The following WDFY3 variants were observed in gnomAD, a reference collection of about 807,000 sequenced individuals.
The protein encoded by WDFY3 is WD repeat and FYVE domain containing 3.
A neutral mutation model predicts 409.6 loss-of-function variants in WDFY3; 66 were observed. The ratio of observed to expected loss-of-function variants is 0.16; its 90% CI spans 0.13 to 0.20. WDFY3 has a LOEUF of 0.20. WDFY3 is among the 10% of genes least tolerant of loss of function. WDFY3 has a pLI of 1.00. For synonymous variants in WDFY3, 1,521 were observed against 1,537.1 expected, an observed-to-expected ratio of 0.99 and a Z score of 0.25; for missense variants, 3,031 against 4,298.1, an observed-to-expected ratio of 0.71 and a Z score of 8.24.
At position 84,755,361 on chromosome 4, in the gene WDFY3, G is replaced by T; in HGVS notation, c.5464C>A (p.Pro1822Thr). ...GAGACCACAGTTCCGCTGGAGGCAG[G>T]AACTCCAAAGATGAATGTCCAAATG... is the stretch of plus-strand genomic sequence containing the variant. ...DSIWTFIFGV[P>T]ASSGTVVSSI... is the part of the protein sequence containing the mutation. The change falls in exon 34 of 68, where the codon CCT becomes ACT. Residue 1822 changes from proline to threonine, a missense_variant. Transcript: ENST00000295888. 4 of 1,611,254 alleles carry T rather than the reference G, an allele frequency of 2.5e-6. No homozygotes were observed. Among genetic ancestry groups the T allele is most frequent in the Non-Finnish European group, 3.4e-6 (4 of 1,179,412 alleles).
chr4:84,871,769 G>C (rs1399811741), intron 3 of WDFY3, among the ~76,000 whole-genome samples: 1 of 151,948 alleles, frequency 6.6e-6, no homozygotes, highest in Non-Finnish European at 1.5e-5. Flanking sequence ...TGAGTAGTTG[G>C]GACTACAGGA....
At position 84,716,888 on chromosome 4, in the gene WDFY3, T is replaced by C; in HGVS notation, c.7875+8A>G. 1 of 1,570,588 alleles carries C rather than the reference T, an allele frequency of 6.4e-7. No homozygotes were observed. Among genetic ancestry groups the C allele is most frequent in the Non-Finnish European group, 8.6e-7 (1 of 1,158,954 alleles). On this transcript the variant is annotated splice_region_variant and intron_variant, in intron 49 of 67. Coordinates refer to ENST00000295888, the MANE Select transcript of WDFY3 (RefSeq NM_014991.6). ...ACATGATAAAACAGTACTACTAAAT[T>C]GACTCACCTGCAGGAGATATCTCCT...
chr4:84,895,304 A>T (rs1057239415), intron 3 of WDFY3, among the ~76,000 whole-genome samples: 7 of 152,238 alleles, frequency 4.6e-5, no homozygotes, highest in Non-Finnish European at 1.0e-4. Flanking sequence ...TATTATAATG[A>T]ATAATAAAAA....
Position 84,821,156 on chromosome 4 carries a change from C to T in WDFY3, c.1519G>A (p.Glu507Lys). ...KDVFREVGLL[E>K]VMVNLLHKYA... The stretch of plus-strand genomic sequence containing the variant: ...TTATGCAAAAGGTTTACCATGACCT[C>T]CAAAAGGCCAACCTCCCTGAACACG... Residue 507 changes from glutamate (E) to lysine (K), a missense_variant, in exon 11 of 68, where the codon GAG (glutamate) becomes AAG (lysine). Physicochemically the swap from Glu to Lys is moderately conservative, Grantham distance 56. Around this residue, in one of 16 missense-constraint regions of WDFY3, gnomAD observed 1,322 missense variants for 1,697.9 expected, o/e 0.78. Transcript: ENST00000295888. 6.2e-7 allele frequency: 1 copy of T among 1,613,686 alleles called. No individual in the cohort carries two copies. Among genetic ancestry groups the T allele is most frequent in the South Asian group, 1.1e-5 (1 of 91,080 alleles).
In WDFY3 at chr4:84,704,367, G is replaced by C; in HGVS notation, c.8413C>G (p.Pro2805Ala). 2 of 1,611,886 alleles carry C rather than the reference G, an allele frequency of 1.2e-6. No homozygotes were observed. The highest frequency in any genetic ancestry group is 2.2e-5 in the East Asian group (1 of 44,720). Residue 2805 changes from proline (P) to alanine (A), a missense_variant, in exon 55 of 68, where the codon CCT (proline) becomes GCT (alanine). Physicochemically the swap from Pro to Ala is conservative, Grantham distance 27 (BLOSUM62 -1). Around this residue, in one of 16 missense-constraint regions of WDFY3, gnomAD observed 129 missense variants for 305.3 expected, o/e 0.42. Transcript: ENST00000295888. Reference sequence around the variant, plus strand: ...AGCCTTAAGAATATCTGTGTGAAAGGCTCCATCCTTACAAGGTATGAGGCC... The same window carrying C: ...AGCCTTAAGAATATCTGTGTGAAAGCCTCCATCCTTACAAGGTATGAGGCC... ...IVASYLVRME[P>A]FTQIFLRLQG...
At chr4:84,780,601 T>C (rs1203925099) in intron 25 of WDFY3, among the ~76,000 whole-genome samples, 1 of 151,814 alleles carries the variant, frequency 6.6e-6, no homozygotes, top group Non-Finnish European at 1.5e-5. Flanking sequence ...CCGTCTCTAC[T>C]AAAAATACAA....
chr4:84,768,985 A>C (rs187520237), intron 30 of WDFY3, among the ~76,000 whole-genome samples: 176 of 152,330 alleles, frequency 1.2e-3, no homozygotes, highest in African/African-American at 4.2e-3. Flanking sequence ...TCCAATTCTT[A>C]TGGATGACTT....
intron 18 of WDFY3, among the ~76,000 whole-genome samples, chr4:84,797,557 C>CTTATTCATTTATTTAT (rs1749674819): frequency 1.4e-5 from 2 of 145,638 alleles, no homozygotes; most frequent in African/African-American, 5.1e-5. Context: ...CAACTCAATT[C>CTTATTCATTTATTTAT]TTATTTATTT....
rs892051672 is a variant in WDFY3 at position 84,772,765 on chromosome 4, T to C, written c.4849+70A>G. ...TAATCACATGTAATTCAGGTCTAAT[T>C]TGGGCCAGAAGAAAAAAGGCATAAT... On this transcript the variant is annotated intron_variant, in intron 30 of 67. Coordinates refer to ENST00000295888, the MANE Select transcript of WDFY3 (RefSeq NM_014991.6). 6 of 1,239,396 alleles carry C rather than the reference T, an allele frequency of 4.8e-6. No homozygotes were observed. In the African/African-American group the frequency reaches 9.2e-5, roughly 19 times the overall value. The allele number at this position is 1,239,396 out of a possible 1,614,324, so 76.8% of individuals were successfully genotyped here.
Position 84,715,344 on chromosome 4 carries a change from A to G in WDFY3, c.7915T>C (p.Tyr2639His). The change falls in exon 50 of 68, where the codon TAC becomes CAC. Residue 2639 changes from tyrosine to histidine, a missense_variant. Around this residue, in one of 16 missense-constraint regions of WDFY3, gnomAD observed 45 missense variants for 121.8 expected, o/e 0.37. Transcript: ENST00000295888. The part of the protein sequence containing the change: ...VEVFSGDGRN[Y>H]LLAFQKGIRN... The stretch of plus-strand genomic sequence containing the variant: ...ATTCCTTTCTGAAAAGCAAGGAGGT[A>G]ATTCCGTCCATCTCCAGAGAAAACT... 18 of 1,611,172 alleles carry G rather than the reference A, an allele frequency of 1.1e-5. No homozygotes were observed. Among genetic ancestry groups the G allele is most frequent in the Non-Finnish European group, 1.5e-5 (18 of 1,177,624 alleles).
chr4:84,825,768 A>G (rs540402533), intron 10 of WDFY3, among the ~76,000 whole-genome samples: 1 of 152,248 alleles, frequency 6.6e-6, no homozygotes, highest in East Asian at 1.9e-4. Context: ...AATTTAAATA[A>G]CCAGACATGT....
chr4:84,907,000 C>T (rs1202434100), intron 2 of WDFY3, among the ~76,000 whole-genome samples: 1 of 152,006 alleles, frequency 6.6e-6, no homozygotes, highest in African/African-American at 2.4e-5. Context: ...TTTTTTGCAA[C>T]ATCTTTTCCC....
At chr4:84,787,751 C>A (rs774018284) in intron 22 of WDFY3, 38 bp from the exon 23 acceptor site, 1 of 1,529,022 alleles carries the variant, frequency 6.5e-7, no homozygotes, top group Non-Finnish European at 9.0e-7. Context: ...GAGATGTGAA[C>A]ACTTTCCCCA....
At chr4:84,960,423 T>C (rs959071824) in intron 1 of WDFY3, among the ~76,000 whole-genome samples, 5 of 152,154 alleles carry the variant, frequency 3.3e-5, no homozygotes, top group African/African-American at 1.2e-4. Context: ...TCCACTCAAC[T>C]GTAAGCTCTA....
intron 32 of WDFY3, among the ~76,000 whole-genome samples, chr4:84,765,016 G>A (rs1200062353): frequency 6.6e-6 from 1 of 152,076 alleles, no homozygotes; most frequent in Non-Finnish European, 1.5e-5. Context: ...ATCGGACCAA[G>A]GTAAATAGAT....
chr4:84,857,686 A>G (rs1359244112), intron 4 of WDFY3, among the ~76,000 whole-genome samples: 1 of 152,174 alleles, frequency 6.6e-6, no homozygotes, highest in Non-Finnish European at 1.5e-5. Context: ...TAAAAGAGCT[A>G]TTTTAAACCT....
chr4:84,798,354 CCAAA>C (rs1488083649), intron 17 of WDFY3, among the ~76,000 whole-genome samples: 6 of 151,560 alleles, frequency 4.0e-5, no homozygotes, highest in Non-Finnish European at 1.5e-5. Context: ...AATTCATAAA[CCAAA>C]CATTTTCAAA....
chr4:84,852,271 G>A (rs1017414076), intron 4 of WDFY3, among the ~76,000 whole-genome samples: 26 of 152,152 alleles, frequency 1.7e-4, no homozygotes, highest in Non-Finnish European at 3.2e-4. Context: ...TTCACATCCC[G>A]GGAGGGATGG....
chr4:84,882,893 AGTTGGGGTCTCACTACGTTGCCCAG>A (rs1265318371), intron 3 of WDFY3, among the ~76,000 whole-genome samples: 23 of 152,032 alleles, frequency 1.5e-4, no homozygotes, highest in Admixed American at 1.5e-3. Flanking sequence ...GTTTTTGTAG[AGTTGGGGTCTCACTACGTTGCCCAG>A]GTTGGTGTCA....
Sources: gnomAD v4.1 joint callset for allele counts (sites outside exome capture counted in the v4.1 genomes callset) on GRCh38, gnomAD v4.1.1 for gene constraint, gnomAD v4.1.1 regional missense constraint, MANE v1.5 for transcripts, NCBI Gene and HGNC (gene_info 2026-07-23, HGNC 2026-07-21) for gene names.